The following ATP2B3 variants were observed in gnomAD, a reference collection of about 807,000 sequenced individuals.
ATP2B3 encodes plasma membrane calcium-transporting ATPase 3.
ATP2B3 carries 12 observed loss-of-function variants against 70.8 expected under a neutral mutation model. The ratio of observed to expected loss-of-function variants is 0.17; its 90% CI spans 0.11 to 0.27. ATP2B3 has a LOEUF of 0.27. ATP2B3 is among the 10% of genes least tolerant of loss of function. The pLI, the probability that ATP2B3 is intolerant of heterozygous loss-of-function variation, is 1.00. For missense variants in ATP2B3, 858 were observed against 1,118.5 expected (o/e 0.77, Z 3.32); for synonymous variants, 460 against 497.8 (o/e 0.92, Z 1.01).
rs2090766030 is a variant in ATP2B3, at chrX:153,570,082, G to A, written c.3342+4979G>A. The A allele has an allele frequency of 1.1e-5, 4 of 355,109 alleles. No homozygotes were observed. In the South Asian group the frequency reaches 2.3e-4, roughly 20 times the overall value. The allele number at this position is 355,109 out of a possible 1,213,427, so 29.3% of individuals were successfully genotyped here. ...TTTGCCGATGGTTCTTCATGAACTT[G>A]GGCCGCTTCTGGGGGTGTCTGGTGT... On this transcript the variant is annotated intron_variant, in intron 21 of 21. Transcript: ENST00000263519.
At chrX:153,552,831 G>A (rs1228481986) in intron 12 of ATP2B3, among the ~76,000 whole-genome samples, 2 of 112,241 alleles carry the variant, frequency 1.8e-5, no homozygotes, top group Non-Finnish European at 3.8e-5. Flanking sequence ...GCCAGTCCTC[G>A]CGTTCCTCAG....
chrX:153,518,805 C>A (rs781963339), intron 2 of ATP2B3, among the ~76,000 whole-genome samples: 1 of 111,762 alleles, frequency 8.9e-6, no homozygotes, highest in African/African-American at 3.3e-5. Flanking sequence ...GGGAAGGGAC[C>A]AGAATTCCTC....
At chrX:153,552,185 C>A (rs782673608) in intron 12 of ATP2B3, among the ~76,000 whole-genome samples, 7 of 112,572 alleles carry the variant, frequency 6.2e-5, no homozygotes, top group African/African-American at 2.3e-4. Context: ...ACAAAAGGCC[C>A]AGCCCAGCTT....
At chrX:153,574,493 T>G (rs111943691) in intron 21 of ATP2B3, among the ~76,000 whole-genome samples, 3,686 of 111,391 alleles carry the variant, frequency 0.033, 153 homozygotes, top group African/African-American at 0.11. Flanking sequence ...GCAGAGAGCA[T>G]GGAGCCCCTC....
chrX:153,580,618 G>C lies in ATP2B3; in HGVS notation c.*320G>C, dbSNP rs1247843822. 1.5e-5 allele frequency: 4 copies of C among 258,691 alleles called. No individual in the cohort carries two copies. Among genetic ancestry groups the C allele is most frequent in the East Asian group, 6.0e-5 (1 of 16,708 alleles). The allele number at this position is 258,691 out of a possible 1,213,427, so 21.3% of individuals were successfully genotyped here. A position where few individuals can be genotyped will look rare whatever the true frequency, so the allele number is the denominator to read the frequency against. Reference sequence around the variant, plus strand: ...GGAGAAGAAGTAGAAAGTGCGAAGAGCTGAGTTCCCCACCTTTTTTTCTAT... The same window carrying C: ...GGAGAAGAAGTAGAAAGTGCGAAGACCTGAGTTCCCCACCTTTTTTTCTAT... On this transcript the variant is annotated 3_prime_UTR_variant, in exon 22 of 22. Transcript: ENST00000263519.
chrX:153,554,472 G>A (rs782520643), intron 13 of ATP2B3, among the ~76,000 whole-genome samples: 4 of 112,892 alleles, frequency 3.5e-5, no homozygotes, highest in Non-Finnish European at 5.6e-5. Context: ...AAGAGTGGCT[G>A]AGAGAGAGTC....
At position 153,548,809 on chromosome X, in the gene ATP2B3, G is replaced by A. The variant is rs62642558; in HGVS notation, c.1293G>A (p.Glu431=). The part of the protein sequence containing the change: ...GVTVLVVAVP[E]GLPLAVTISL... The stretch of plus-strand genomic sequence containing the variant: ...CTGTGCTGGTCGTGGCTGTCCCAGA[G>A]GGCCTGCCTCTTGCTGTCACCATCT... Residue 431 remains glutamate, a synonymous_variant, in exon 10 of 22, where the codon GAG becomes GAA. Transcript: ENST00000263519. 1.1e-3 allele frequency: 1,291 copies of A among 1,209,977 alleles called. 7 individuals are homozygous for A. In the African/African-American group the frequency reaches 0.02, roughly 19 times the overall value.
chrX:153,560,058 G>T (rs111809981), intron 18 of ATP2B3, 116 bp downstream of exon 18: 2 of 777,272 alleles, frequency 2.6e-6, no homozygotes, highest in Admixed American at 2.9e-5. Context: ...GGGGTGGGAC[G>T]CTGCACTTCC....
chrX:153,559,740 C>T lies in ATP2B3; in HGVS notation c.2637C>T (p.Leu879=). The T allele has an allele frequency of 1.7e-6, 2 of 1,211,011 alleles. No homozygotes were observed. Among genetic ancestry groups the T allele is most frequent in the Non-Finnish European group, 2.2e-6 (2 of 895,320 alleles). The part of the protein sequence containing the change: ...TGACITQDSP[L]KAVQMLWVNL... ...CCTCCTCTCCATAGGACTCTCCTCT[C>T]AAAGCCGTGCAGATGTTGTGGGTGA... Residue 879 remains leucine, a synonymous_variant, in exon 18 of 22, where the codon CTC becomes CTT. Coordinates refer to ENST00000263519, the MANE Select transcript of ATP2B3 (RefSeq NM_001001344.3).
intron 21 of ATP2B3, among the ~76,000 whole-genome samples, chrX:153,565,550 A>C (rs1188744643): frequency 8.9e-6 from 1 of 112,223 alleles, no homozygotes; most frequent in Non-Finnish European, 1.9e-5. Flanking sequence ...CGATGGGGAG[A>C]CTTCATTTGG....
intron 19 of ATP2B3, 36 bp from the exon 20 acceptor site, chrX:153,562,099 G>T (rs782102937): frequency 8.5e-7 from 1 of 1,177,782 alleles, no homozygotes; most frequent in Admixed American, 2.2e-5. Flanking sequence ...CAGGAGCCGC[G>T]GCTGGACCTG....
At chrX:153,557,989 G>A (rs2090567216) in intron 16 of ATP2B3, 123 bp from the exon 17 acceptor site, 4 of 610,318 alleles carry the variant, frequency 6.6e-6, no homozygotes, top group Admixed American at 4.5e-5. Flanking sequence ...TTTGGGGGGC[G>A]GGGTGGGATG....
Position 153,558,476 on chromosome X carries a change from A to C in ATP2B3, c.2625+173A>C, listed in dbSNP as rs1374693306. On this transcript the variant is annotated intron_variant, in intron 17 of 21. Coordinates refer to ENST00000263519, the MANE Select transcript of ATP2B3 (RefSeq NM_001001344.3). ...TACATAATTCAGCACTCGAATTTGT[A>C]GGACATTCACCACGTTGTGCAACCA... 2.7e-5 allele frequency among the ~76,000 whole-genome samples: 3 copies of C among 112,758 alleles called. No individual in the cohort carries two copies. The Admixed American group carries it at 2.8e-4, about 11-fold the overall frequency.
Position 153,565,238 on chromosome X carries a change from CA to C in ATP2B3, c.3342+139del, listed in dbSNP as rs1169754446. On this transcript the variant is annotated intron_variant, in intron 21 of 21. Transcript: ENST00000263519. The stretch of plus-strand genomic sequence containing the variant: ...CCCTTTGGTCTTGCTGCCAAGGTCA[CA>C]AAAGCAGCTGCCAGTGTCCCCTTTG... 1.7e-5 allele frequency: 14 copies of C among 829,116 alleles called. No homozygotes were observed. The Admixed American group carries it at 5.7e-4, about 34-fold the overall frequency. The allele number at this position is 829,116 out of a possible 1,213,427, so 68.3% of individuals were successfully genotyped here. A position where few individuals can be genotyped will look rare whatever the true frequency, so the allele number is the denominator to read the frequency against.
In ATP2B3 at chrX:153,580,147, T is replaced by C. The variant is rs781851504; in HGVS notation, c.3512T>C (p.Leu1171Pro). 8.3e-7 allele frequency: 1 copy of C among 1,211,103 alleles called. No homozygotes were observed. The highest frequency in any genetic ancestry group is 1.1e-6 in the Non-Finnish European group (1 of 895,268). ...GACGTGGACGAGAACGAGGAGCGCCTCCGGGCCCCCCCGCCCCCGTCCCCC... is the reference window on the plus strand; with the variant it reads ...GACGTGGACGAGAACGAGGAGCGCCCCCGGGCCCCCCCGCCCCCGTCCCCC... The part of the protein sequence containing the change: ...DTDVDENEER[L>P]RAPPPPSPNQ... Residue 1171 changes from leucine (L) to proline (P), a missense_variant, in exon 22 of 22, where the codon CTC becomes CCC. Physicochemically the swap from Leu to Pro is moderately conservative, Grantham distance 98. Transcript: ENST00000263519.
intron 2 of ATP2B3, among the ~76,000 whole-genome samples, chrX:153,529,707 C>G (rs1052735347): frequency 8.9e-6 from 1 of 112,090 alleles, no homozygotes; most frequent in African/African-American, 3.2e-5. Flanking sequence ...TGGCCCCGTT[C>G]AACCCCAACT....
chrX:153,554,729 G>A (rs1309877664), intron 13 of ATP2B3, among the ~76,000 whole-genome samples: 2 of 112,977 alleles, frequency 1.8e-5, no homozygotes, highest in Non-Finnish European at 3.8e-5. Flanking sequence ...GCCTGTGGCT[G>A]GGGTGGTATT....
At chrX:153,553,739 T>C (rs1290025084) in intron 13 of ATP2B3, among the ~76,000 whole-genome samples, 1 of 113,058 alleles carries the variant, frequency 8.8e-6, no homozygotes, top group African/African-American at 3.2e-5. Flanking sequence ...ATATGGACGA[T>C]GCCACCAGGG....
intron 2 of ATP2B3, among the ~76,000 whole-genome samples, chrX:153,524,153 A>G (rs1228784419): frequency 9.1e-6 from 1 of 109,302 alleles, no homozygotes; most frequent in Admixed American, 9.8e-5. Context: ...GATTTCTTCC[A>G]TTGTTTCTAG....
Sources: allele counts gnomAD v4.1 joint callset (sites outside exome capture counted in the v4.1 genomes callset), GRCh38; gene constraint gnomAD v4.1.1; transcripts MANE v1.5; gene names NCBI Gene and HGNC (gene_info 2026-07-23, HGNC 2026-07-21).